Variants in MAP1A observed in about 807,000 individuals in gnomAD.
The protein encoded by MAP1A is microtubule-associated protein 1A.
A neutral mutation model predicts 185.9 loss-of-function variants in MAP1A; 42 were observed. The observed-to-expected ratio is 0.23, with a 90% CI of 0.18 to 0.29. MAP1A has a LOEUF of 0.29. Ranked by LOEUF, MAP1A falls within the 10% of genes least tolerant of loss-of-function variation. The pLI is 1.00. For synonymous variants in MAP1A, 1,229 were observed against 1,335.9 expected (o/e 0.92, Z 1.74); for missense variants, 2,995 against 3,450.4 (o/e 0.87, Z 3.31).
At position 43,530,490 on chromosome 15, in the gene MAP1A, C is replaced by G; in HGVS notation, c.*266C>G. 1 of 448,100 alleles carries G rather than the reference C, an allele frequency of 2.2e-6. No individual in the cohort carries two copies. The highest frequency in any genetic ancestry group is 4.0e-6 in the Non-Finnish European group (1 of 248,228). The allele number at this position is 448,100 out of a possible 1,614,324, so 27.8% of individuals were successfully genotyped here. On this transcript the variant is annotated 3_prime_UTR_variant, in exon 6 of 6. Transcript: ENST00000300231. Reference sequence around the variant, plus strand: ...ATAGCATCTGATGCCTGAGAACCCTCTCCTAGCACTGTCAAATGCTGGTAT... The same window carrying G: ...ATAGCATCTGATGCCTGAGAACCCTGTCCTAGCACTGTCAAATGCTGGTAT...
intron 1 of MAP1A, chr15:43,511,289 T>TGGTAGTTGAATG: frequency 1.5e-6 from 2 of 1,315,210 alleles, no homozygotes; most frequent in Non-Finnish European, 2.1e-6. Flanking sequence ...CCTTCTGCAT[T>TGGTAGTTGAATG]CAACTACCAA....
upstream of MAP1A, chr15:43,517,532 C>T (rs1432051367): frequency 5.0e-5 from 10 of 199,784 alleles, no homozygotes; most frequent in African/African-American, 1.2e-4. Context: ...TGCCTCGTCA[C>T]GGACCAGCCC....
rs199790491 is a variant in MAP1A, at chr15:43,525,618, C to T, written c.4145C>T (p.Pro1382Leu). Residue 1382 changes from proline (P) to leucine (L), a missense_variant, in exon 4 of 6, where the codon CCG becomes CTG. This residue lies in a region of MAP1A where 2,728 missense variants were observed against 2,986.0 expected (regional missense o/e 0.91). Transcript: ENST00000300231. ...CTGGAGCACAAGGAGGTGGTAGAGC[C>T]GAAGGATACAGCCATCTATCAGAAA... ...KTLEHKEVVE[P>L]KDTAIYQKDE... is the part of the protein sequence containing the mutation. The T allele has an allele frequency of 5.1e-5, 83 of 1,613,978 alleles. No homozygotes were observed. The African/African-American group carries it at 8.7e-4, about 17-fold the overall frequency.
Position 43,523,903 on chromosome 15 carries a change from C to T in MAP1A, c.2430C>T (p.Thr810=). The T allele has an allele frequency of 6.2e-7, 1 of 1,614,188 alleles. No homozygotes were observed. The highest frequency in any genetic ancestry group is 1.3e-5 in the African/African-American group (1 of 75,056). ...ATGGAACGCCAGAGACTGAACTCAC[C>T]TACCCCACTAACATAGTGGCTGCCC... The part of the protein sequence containing the change: ...KVYGTPETEL[T]YPTNIVAAPL... The change falls in exon 4 of 6, where the codon ACC becomes ACT. Residue 810 remains threonine (T), a synonymous_variant. Transcript: ENST00000300231.
At position 43,524,372 on chromosome 15, in the gene MAP1A, G is replaced by T; in HGVS notation, c.2899G>T (p.Gly967Trp). Residue 967 changes from glycine (G) to tryptophan (W), a missense_variant, in exon 4 of 6, where the codon GGG becomes TGG. Transcript: ENST00000300231. ...QYGTPVFSAP[G>W]HALHPGEPAL... ...TGGAACTCCAGTGTTTAGTGCCCCT[G>T]GGCATGCCCTACATCCAGGAGAACC... 1 of 1,614,176 alleles carries T rather than the reference G, an allele frequency of 6.2e-7. No individual in the cohort carries two copies. The highest frequency in any genetic ancestry group is 8.5e-7 in the Non-Finnish European group (1 of 1,180,026).
intron 1 of MAP1A, among the ~76,000 whole-genome samples, chr15:43,519,290 C>T (rs1471841988): frequency 6.6e-6 from 1 of 152,160 alleles, no homozygotes; most frequent in Non-Finnish European, 1.5e-5. Context: ...TGGCCCAACC[C>T]ACGCTGTATG....
chr15:43,520,696 T>A lies in MAP1A; in HGVS notation c.-319T>A, dbSNP rs775634788. ...TCCTAGAGACCATCATCCTGGTAAA[T>A]CCCAGTGCAGACAGCATCAGCTCTG... On this transcript the variant is annotated 5_prime_UTR_variant, in exon 2 of 6. Transcript: ENST00000300231. 115 of 1,550,406 alleles carry A rather than the reference T, an allele frequency of 7.4e-5. 1 individual carries two copies. The highest frequency in any genetic ancestry group is 9.4e-5 in the Non-Finnish European group (108 of 1,146,746).
In MAP1A at chr15:43,527,836, G is replaced by C; in HGVS notation, c.6363G>C (p.Glu2121Asp). 1 of 1,613,986 alleles carries C rather than the reference G, an allele frequency of 6.2e-7. No homozygotes were observed. The highest frequency in any genetic ancestry group is 8.5e-7 in the Non-Finnish European group (1 of 1,179,932). ...GGGCTCGGGAACAGCCAGAAAAAGA[G>C]GCCCAATCCCCAAGTCCTCCTCACC... ...EKGAREQPEK[E>D]AQSPSPPHPI... Residue 2121 changes from glutamate to aspartate, a missense_variant, in exon 4 of 6, where the codon GAG becomes GAC. Physicochemically the swap from Glu to Asp is conservative, Grantham distance 45. Transcript: ENST00000300231.
chr15:43,526,989 T>C lies in MAP1A; in HGVS notation c.5516T>C (p.Leu1839Pro). The part of the protein sequence containing the change: ...MKNEPTTPSW[L>P]ADIPPWVPKD... ...AATGAACCCACTACTCCCTCATGGC[T>C]GGCTGACATCCCACCCTGGGTGCCC... The change falls in exon 4 of 6, where the codon CTG (leucine) becomes CCG (proline). Residue 1839 changes from leucine to proline, a missense_variant. By Grantham distance (98) the Leu-to-Pro change is moderately conservative (BLOSUM62 -3). Around this residue, in one of 3 missense-constraint regions of MAP1A, gnomAD observed 2,728 missense variants for 2,986.0 expected, o/e 0.91. Transcript: ENST00000300231. This position sits in a 1 kb window ranked among gnomAD's most constrained non-coding sequence, Gnocchi z 4.7. The C allele has an allele frequency of 6.2e-7, 1 of 1,612,986 alleles. No homozygotes were observed. Among genetic ancestry groups the C allele is most frequent in the Non-Finnish European group, 8.5e-7 (1 of 1,179,372 alleles).
chr15:43,516,624 A>C (rs1180785821), upstream of MAP1A, among the ~76,000 whole-genome samples: 1 of 152,180 alleles, frequency 6.6e-6, no homozygotes, highest in African/African-American at 2.4e-5. Flanking sequence ...ACTAAATCTG[A>C]GATGGAGGTA....
Position 43,521,888 on chromosome 15 carries a change from G to A in MAP1A, c.415G>A (p.Val139Met), listed in dbSNP as rs764900824. ...SPELGVVFFN[V>M]PEKLRLPDAS... ...TGAGCTTGGAGTTGTCTTTTTCAAC[G>A]TGCCTGAGAAGCTGCGGCTTCCTGA... The change falls in exon 4 of 6, where the codon GTG becomes ATG. Residue 139 changes from valine (V) to methionine (M), a missense_variant. Val to Met is a conservative substitution (Grantham distance 21, BLOSUM62 1). Coordinates refer to ENST00000300231, the MANE Select transcript of MAP1A (RefSeq NM_002373.6). The surrounding 1 kb of genome is among the most constrained non-coding windows in gnomAD (Gnocchi z 4.6). 5.6e-6 allele frequency: 9 copies of A among 1,614,028 alleles called. No homozygotes were observed. The highest frequency in any genetic ancestry group is 5.0e-5 in the Admixed American group (3 of 59,994).
At position 43,525,228 on chromosome 15, in the gene MAP1A, C is replaced by T; in HGVS notation, c.3755C>T (p.Pro1252Leu). Residue 1252 changes from proline to leucine, a missense_variant, in exon 4 of 6, where the codon CCC becomes CTC. By Grantham distance (98) the Pro-to-Leu change is moderately conservative. Transcript: ENST00000300231. Reference protein sequence around the residue: ...QAEDTSHHTAPMSVPEPHAAT... With the variant: ...QAEDTSHHTALMSVPEPHAAT... ...GAGGATACCTCTCACCACACAGCTC[C>T]CATGTCTGTTCCAGAGCCCCATGCA... 6.2e-7 allele frequency: 1 copy of T among 1,614,128 alleles called. No homozygotes were observed.
chr15:43,510,977 G>T (rs1174753903), exon 1 of MAP1A: 2 of 1,521,904 alleles, frequency 1.3e-6, no homozygotes, highest in South Asian at 2.4e-5. Context: ...CTAACACTCC[G>T]CGGGTGTTTC....
chr15:43,529,713 A>G lies in MAP1A; in HGVS notation c.8099A>G (p.Asn2700Ser). The change falls in exon 5 of 6, where the codon AAT becomes AGT. Residue 2700 changes from asparagine to serine, a missense_variant. Physicochemically the swap from Asn to Ser is conservative, Grantham distance 46. Around this residue, in one of 3 missense-constraint regions of MAP1A, gnomAD observed 2,728 missense variants for 2,986.0 expected, o/e 0.91. Transcript: ENST00000300231. This position sits in a 1 kb window ranked among gnomAD's most constrained non-coding sequence, Gnocchi z 4.3. ...PVYVDLAYIPNHCSGKTADLD... is the reference protein window; with the variant it reads ...PVYVDLAYIPSHCSGKTADLD... ...TATGTGGATCTCGCCTACATCCCGA[A>G]TCATTGCAGTGGCAAGACTGCTGAC... The G allele has an allele frequency of 6.2e-7, 1 of 1,613,466 alleles. No homozygotes were observed. The highest frequency in any genetic ancestry group is 8.5e-7 in the Non-Finnish European group (1 of 1,179,766).
In MAP1A at chr15:43,528,590, G is replaced by A. The variant is rs187665182; in HGVS notation, c.7117G>A (p.Ala2373Thr). 6,194 of 1,613,970 alleles carry A rather than the reference G, an allele frequency of 3.8e-3. 26 individuals carry two copies. Among genetic ancestry groups the A allele is most frequent in the Non-Finnish European group, 4.8e-3 (5,708 of 1,180,012 alleles). ...TETSPNPPGPAPAKAENEEAA... is the reference protein window; with the variant it reads ...TETSPNPPGPTPAKAENEEAA... ...AACCAGCCCTAACCCCCCAGGCCCT[G>A]CCCCAGCCAAGGCTGAAAATGAAGA... The change falls in exon 4 of 6, where the codon GCC becomes ACC. Residue 2373 changes from alanine to threonine, a missense_variant. This residue lies in a region of MAP1A where 2,728 missense variants were observed against 2,986.0 expected (regional missense o/e 0.91). Transcript: ENST00000300231.
In MAP1A at chr15:43,522,783, A is replaced by G; in HGVS notation, c.1310A>G (p.Lys437Arg). 6.4e-7 allele frequency: 1 copy of G among 1,569,758 alleles called. No homozygotes were observed. The highest frequency in any genetic ancestry group is 1.9e-5 in the Admixed American group (1 of 52,896). Residue 437 changes from lysine (K) to arginine (R), a missense_variant, in exon 4 of 6, where the codon AAG (lysine) becomes AGG (arginine). Lys to Arg is a conservative substitution (Grantham distance 26, BLOSUM62 2). Around this residue, in one of 3 missense-constraint regions of MAP1A, gnomAD observed 2,728 missense variants for 2,986.0 expected, o/e 0.91. Coordinates refer to ENST00000300231, the MANE Select transcript of MAP1A (RefSeq NM_002373.6). The surrounding 1 kb of genome is among the most constrained non-coding windows in gnomAD (Gnocchi z 5.9). ...GAGCTCAAGAAGGATGAAGGAAGGA[A>G]GGAGGAGAAGAAGGATGCCAAGAAG... ...RKELKKDEGR[K>R]EEKKDAKKEE...
intron 1 of MAP1A, among the ~76,000 whole-genome samples, chr15:43,519,228 A>C (rs2079310428): frequency 6.6e-6 from 1 of 152,108 alleles, no homozygotes; most frequent in Non-Finnish European, 1.5e-5. Context: ...AATTTATCTC[A>C]AATGTTCCCT....
intron 1 of MAP1A, among the ~76,000 whole-genome samples, chr15:43,519,485 A>G (rs1036859327): frequency 1.3e-5 from 2 of 152,176 alleles, no homozygotes; most frequent in Non-Finnish European, 2.9e-5. Flanking sequence ...TCTAAGGGAC[A>G]AATTATGGAC....
rs1027250974 is a variant in MAP1A at position 43,531,482 on chromosome 15, C to T, written c.*1258C>T. The T allele has an allele frequency of 5.9e-5, 9 of 152,756 alleles. No individual in the cohort carries two copies. The highest frequency in any genetic ancestry group is 2.2e-4 in the African/African-American group (9 of 41,440). The allele number at this position is 152,756 out of a possible 1,614,324, so 9.5% of individuals were successfully genotyped here. A position where few individuals can be genotyped will look rare whatever the true frequency, so the allele number is the denominator to read the frequency against. On this transcript the variant is annotated 3_prime_UTR_variant, in exon 6 of 6. Coordinates refer to ENST00000300231, the MANE Select transcript of MAP1A (RefSeq NM_002373.6). ...CGACTGGGAAACCAAAATGAGCCCA[C>T]CTTGTGTTCTTCCTAGCTCCACCCT...
Sources: allele counts gnomAD v4.1 joint callset (sites outside exome capture counted in the v4.1 genomes callset), GRCh38; gene constraint gnomAD v4.1.1; regional missense constraint gnomAD v4.1.1; non-coding constraint Gnocchi (gnomAD v3.1); transcripts MANE v1.5; gene names NCBI Gene and HGNC (gene_info 2026-07-23, HGNC 2026-07-21).